DSCAM: variants seen among roughly 807,000 people sequenced by gnomAD.
DSCAM encodes cell adhesion molecule DSCAM.
DSCAM carries 47 observed loss-of-function variants against 217.7 expected under a neutral mutation model. That is an observed-to-expected ratio of 0.22 (90% confidence interval 0.17 to 0.28). The LOEUF (loss-of-function observed/expected upper bound fraction) is 0.28, where lower values mean the gene tolerates loss of function less well. Ranked by LOEUF, DSCAM falls within the 10% of genes least tolerant of loss-of-function variation. The pLI is 1.00. For missense variants in DSCAM, 2,080 were observed against 2,618.3 expected (o/e 0.79, Z 4.49); for synonymous variants, 1,056 against 1,015.3 (o/e 1.04, Z -0.76).
intron 20 of DSCAM, among the ~76,000 whole-genome samples, chr21:40,123,433 A>G (rs2090056842): frequency 6.6e-6 from 1 of 152,216 alleles, no homozygotes; most frequent in African/African-American, 2.4e-5. Context: ...CCTGCTGCAG[A>G]AAATGTCATA....
rs2088060038 is a variant in DSCAM, at chr21:40,011,804, C to T, written c.*1230G>A. On this transcript the variant is annotated 3_prime_UTR_variant, in exon 33 of 33. Transcript: ENST00000400454. ...CAATGTTTATTAAGATGGTCTATCA[C>T]AAATTTGCATACCAGGCATAGTGGA... 1 of 152,200 alleles carries T rather than the reference C, an allele frequency of 6.6e-6. No individual in the cohort carries two copies. The allele number at this position is 152,200 out of a possible 1,614,324, so 9.4% of individuals were successfully genotyped here.
intron 3 of DSCAM, among the ~76,000 whole-genome samples, chr21:40,616,483 A>C (rs1378748327): frequency 6.6e-6 from 1 of 152,148 alleles, no homozygotes; most frequent in East Asian, 1.9e-4. Context: ...TCTGAGACCC[A>C]AGCTGCCCTC....
At chr21:40,762,697 G>A (rs1229599667) in intron 1 of DSCAM, among the ~76,000 whole-genome samples, 3 of 152,078 alleles carry the variant, frequency 2.0e-5, no homozygotes, top group Admixed American at 6.5e-5. Flanking sequence ...GATGAACATC[G>A]ATGCAAAAAT....
intron 1 of DSCAM, among the ~76,000 whole-genome samples, chr21:40,757,215 C>T (rs576863095): frequency 6.9e-4 from 105 of 151,818 alleles, no homozygotes; most frequent in African/African-American, 2.4e-3. Context: ...TTAGTAGAGA[C>T]GGGGTTTCAC....
intron 3 of DSCAM, among the ~76,000 whole-genome samples, chr21:40,439,080 G>A (rs2075609142): frequency 6.6e-6 from 1 of 152,218 alleles, no homozygotes; most frequent in South Asian, 2.1e-4. Flanking sequence ...CATTAGCTGT[G>A]CATATTTAGG....
At chr21:40,287,121 G>A (rs148254025) in intron 10 of DSCAM, among the ~76,000 whole-genome samples, 175 of 151,962 alleles carry the variant, frequency 1.2e-3, no homozygotes, top group African/African-American at 3.7e-3. Context: ...ATCTCAAGGT[G>A]GTCTGCAGCA....
At chr21:40,682,124 T>C (rs1026445554) in intron 3 of DSCAM, among the ~76,000 whole-genome samples, 1 of 152,024 alleles carries the variant, frequency 6.6e-6, no homozygotes, top group Non-Finnish European at 1.5e-5. Flanking sequence ...GAAAAATAAA[T>C]GAATAAATCA....
At chr21:40,502,629 G>T (rs1018297850) in intron 3 of DSCAM, among the ~76,000 whole-genome samples, 1 of 152,026 alleles carries the variant, frequency 6.6e-6, no homozygotes, top group African/African-American at 2.4e-5. Flanking sequence ...GTTTCCCATT[G>T]CATCACTCTG....
At chr21:40,547,558 G>A (rs933305130) in intron 3 of DSCAM, among the ~76,000 whole-genome samples, 3 of 152,178 alleles carry the variant, frequency 2.0e-5, no homozygotes, top group African/African-American at 7.2e-5. Flanking sequence ...GAAAAATCGG[G>A]AGACAGAACG....
rs549688694 is a variant in DSCAM at position 40,636,477 on chromosome 21, C to T, written c.508+56333G>A. 1.3e-5 allele frequency among the ~76,000 whole-genome samples: 2 copies of T among 152,176 alleles called. 1 individual carries two copies. Among genetic ancestry groups the T allele is most frequent in the Admixed American group, 1.3e-4 (2 of 15,290 alleles). ...CTTTGATTCTTAGGTTATATTTGAT[C>T]ATCACCAAGTCCTTTCCTCATCTCC... is the stretch of plus-strand genomic sequence containing the variant. On this transcript the variant is annotated intron_variant, in intron 3 of 32. Coordinates refer to ENST00000400454, the MANE Select transcript of DSCAM (RefSeq NM_001389.5).
intron 1 of DSCAM, among the ~76,000 whole-genome samples, chr21:40,771,443 C>A (rs1311195009): frequency 6.6e-6 from 1 of 152,142 alleles, no homozygotes; most frequent in Non-Finnish European, 1.5e-5. Flanking sequence ...AAAGCAGAAC[C>A]CCTTGAAAAT....
Position 40,480,662 on chromosome 21 carries a change from G to A in DSCAM, c.509-111417C>T, listed in dbSNP as rs553587825. Reference sequence around the variant, plus strand: ...AAATTTGACGCTGTTGCTACTGAAGGTTGTGAATGTAAGGCCTCGTGCTGG... The same window carrying A: ...AAATTTGACGCTGTTGCTACTGAAGATTGTGAATGTAAGGCCTCGTGCTGG... On this transcript the variant is annotated intron_variant, in intron 3 of 32. Coordinates refer to ENST00000400454, the MANE Select transcript of DSCAM (RefSeq NM_001389.5). 3.9e-5 allele frequency among the ~76,000 whole-genome samples: 6 copies of A among 152,290 alleles called. No homozygotes were observed. The East Asian group carries it at 1.2e-3, about 29-fold the overall frequency.
chr21:40,669,740 G>A (rs1476535134), intron 3 of DSCAM, among the ~76,000 whole-genome samples: 13 of 151,860 alleles, frequency 8.6e-5, no homozygotes, highest in Non-Finnish European at 1.0e-4. Flanking sequence ...CACCACGCCT[G>A]GTTAATTTCT....
At chr21:40,084,107 A>T in intron 23 of DSCAM, 101 bp from the exon 24 acceptor site, 1 of 900,278 alleles carries the variant, frequency 1.1e-6, no homozygotes, top group East Asian at 2.8e-5. Flanking sequence ...CCATTTATTA[A>T]ATAAGTGTTT....
chr21:40,258,182 C>T lies in DSCAM; in HGVS notation c.2356+17915G>A, dbSNP rs528289952. ...CAGTACCATATACAAAAAGGAGAAG[C>T]GATGAAAACCTAAAAGCATGTCTTC... On this transcript the variant is annotated intron_variant, in intron 11 of 32. Coordinates refer to ENST00000400454, the MANE Select transcript of DSCAM (RefSeq NM_001389.5). Among the ~76,000 whole-genome samples, 5 of 152,248 alleles carry T rather than the reference C, an allele frequency of 3.3e-5. No individual in the cohort carries two copies. In the South Asian group the frequency reaches 6.2e-4, roughly 19 times the overall value.
intron 6 of DSCAM, 55 bp from the exon 7 acceptor site, chr21:40,339,470 TC>T: frequency 6.8e-7 from 1 of 1,466,664 alleles, no homozygotes; most frequent in Non-Finnish European, 9.1e-7. Flanking sequence ...TTAAACAACT[TC>T]CAAGTATATG....
chr21:40,392,479 C>T (rs550106062), intron 3 of DSCAM, among the ~76,000 whole-genome samples: 15 of 152,242 alleles, frequency 9.9e-5, no homozygotes, highest in Admixed American at 3.9e-4. Context: ...ATATTTTCAA[C>T]GATTTCCTAA....
chr21:40,593,609 G>T (rs1052516903), intron 3 of DSCAM, among the ~76,000 whole-genome samples: 1 of 152,192 alleles, frequency 6.6e-6, no homozygotes, highest in East Asian at 1.9e-4. Context: ...GCCTCCCAAA[G>T]TGCTGGGACT....
chr21:40,428,823 A>G (rs774507637), intron 3 of DSCAM, among the ~76,000 whole-genome samples: 2 of 148,838 alleles, frequency 1.3e-5, no homozygotes, highest in Non-Finnish European at 2.9e-5. Context: ...TTTATCATAC[A>G]GCGACCTAAT....
Sources: gnomAD v4.1 joint callset for allele counts (sites outside exome capture counted in the v4.1 genomes callset) on GRCh38, gnomAD v4.1.1 for gene constraint, MANE v1.5 for transcripts, NCBI Gene and HGNC (gene_info 2026-07-23, HGNC 2026-07-21) for gene names.